Variants in NEURL1 observed in about 807,000 individuals in gnomAD.
The protein encoded by NEURL1 is E3 ubiquitin-protein ligase NEURL1.
NEURL1 carries 26 observed loss-of-function variants against 41.2 expected under a neutral mutation model. That is an observed-to-expected ratio of 0.63 (90% CI 0.46 to 0.87). The LOEUF (loss-of-function observed/expected upper bound fraction) is 0.87, where lower values mean the gene tolerates loss of function less well. Among genes scored for constraint, NEURL1 ranks in the 40% least tolerant of loss-of-function variants. The pLI is 0.00. For synonymous variants in NEURL1, 400 were observed against 402.3 expected (o/e 0.99, Z 0.07); for missense variants, 761 against 871.1 (o/e 0.87, Z 1.59).
intron 1 of NEURL1, among the ~76,000 whole-genome samples, chr10:103,496,771 C>A (rs775138885): frequency 4.6e-5 from 7 of 152,142 alleles, no homozygotes; most frequent in Non-Finnish European, 1.0e-4. Context: ...CTTCAGGGGG[C>A]AAGGGTTAGC....
In NEURL1 at chr10:103,494,348, C is replaced by G. The variant is rs1369513964; in HGVS notation, c.-40C>G. On this transcript the variant is annotated 5_prime_UTR_variant, in exon 1 of 6. Transcript: ENST00000369780. ...GCACCTCAGCGCCTGCCCGGCCTCG[C>G]CCCCACCCGCGAGCGCCGAACCTCC... The G allele has an allele frequency of 2.0e-6, 3 of 1,522,962 alleles. No individual in the cohort carries two copies. The highest frequency in any genetic ancestry group is 2.7e-6 in the Non-Finnish European group (3 of 1,121,368). The allele number at this position is 1,522,962 out of a possible 1,614,324, so 94.3% of individuals were successfully genotyped here. A position where few individuals can be genotyped will look rare whatever the true frequency, so the allele number is the denominator to read the frequency against.
At chr10:103,507,618 A>G (rs2033977663) in intron 1 of NEURL1, among the ~76,000 whole-genome samples, 1 of 152,108 alleles carries the variant, frequency 6.6e-6, no homozygotes, top group African/African-American at 2.4e-5. Context: ...CAGGGTGTGC[A>G]CACTTGGGAC....
Position 103,558,540 on chromosome 10 carries a change from TG to T in NEURL1, c.86-12331del, listed in dbSNP as rs2035211367. Among the ~76,000 whole-genome samples the T allele has an allele frequency of 6.7e-6, 1 of 149,632 alleles. No individual in the cohort carries two copies. The highest frequency in any genetic ancestry group is 1.5e-5 in the Non-Finnish European group (1 of 67,896). On this transcript the variant is annotated intron_variant, in intron 1 of 5. Coordinates refer to ENST00000369780, the MANE Select transcript of NEURL1 (RefSeq NM_004210.5). This position sits in a 1 kb window ranked among gnomAD's most constrained non-coding sequence, Gnocchi z 4.2. ...GTGTGTGTGTGTGTGTGTGTGTGTG[TG>T]TGTGTGTAGTGGGGCTGGTGGTGAG...
Position 103,570,900 on chromosome 10 carries a change from T to C in NEURL1, c.114T>C (p.Thr38=), listed in dbSNP as rs1265297253. Residue 38 remains threonine, a synonymous_variant, in exon 2 of 6, where the codon ACT becomes ACC. Coordinates refer to ENST00000369780, the MANE Select transcript of NEURL1 (RefSeq NM_004210.5). ...CTATCGGGGGCCCCTTCCCCGTCAC[T>C]TCTCACCGATGCCACCACAAGCAGA... ...KDSIGGPFPV[T]SHRCHHKQKH... is the part of the protein sequence containing the mutation. The C allele has an allele frequency of 1.2e-6, 2 of 1,613,676 alleles. No homozygotes were observed. The highest frequency in any genetic ancestry group is 2.2e-5 in the South Asian group (2 of 91,048).
chr10:103,555,292 G>C, intron 1 of NEURL1: 1 of 1,216,740 alleles, frequency 8.2e-7, no homozygotes, highest in South Asian at 1.4e-5. Flanking sequence ...GGAGGAGACG[G>C]GGGAGGAGGA....
chr10:103,580,130 G>A (rs968232690), intron 3 of NEURL1, among the ~76,000 whole-genome samples: 6 of 151,954 alleles, frequency 3.9e-5, no homozygotes, highest in East Asian at 1.9e-4. Flanking sequence ...ACACATGGCC[G>A]GGACCTCCCT....
chr10:103,497,892 G>A (rs1426464098), intron 1 of NEURL1, among the ~76,000 whole-genome samples: 5 of 152,176 alleles, frequency 3.3e-5, no homozygotes, highest in Non-Finnish European at 7.3e-5. Flanking sequence ...GTGGGCAGAG[G>A]TCAGACAAGG....
chr10:103,551,905 G>A (rs1006759560), intron 1 of NEURL1, among the ~76,000 whole-genome samples: 2 of 152,342 alleles, frequency 1.3e-5, no homozygotes, highest in Middle Eastern at 3.4e-3. Flanking sequence ...CAGAGTTGGG[G>A]CTGCTGCTCA....
rs537550344 is a variant in NEURL1 at position 103,585,008 on chromosome 10, T to C, written c.1122T>C (p.Pro374=). 2 of 1,576,550 alleles carry C rather than the reference T, an allele frequency of 1.3e-6. No individual in the cohort carries two copies. Among genetic ancestry groups the C allele is most frequent in the East Asian group, 2.3e-5 (1 of 43,304 alleles). ...TLRPADLPFS[P]EALVDRKEFW... is the part of the protein sequence containing the mutation. ...GGCCGGCCGACCTGCCTTTCAGCCC[T>C]GAGGCCCTGGTGGACCGCAAGGAAT... is the stretch of plus-strand genomic sequence containing the variant. The change falls in exon 4 of 6, where the codon CCT becomes CCC. Residue 374 remains proline, a synonymous_variant. Coordinates refer to ENST00000369780, the MANE Select transcript of NEURL1 (RefSeq NM_004210.5).
At chr10:103,515,164 G>T (rs963887784) in intron 1 of NEURL1, among the ~76,000 whole-genome samples, 2 of 147,028 alleles carry the variant, frequency 1.4e-5, no homozygotes, top group Non-Finnish European at 3.0e-5. Flanking sequence ...GGAGGCGGAG[G>T]TTGCAGTGAG....
At chr10:103,544,351 C>T (rs776897786) in intron 1 of NEURL1, among the ~76,000 whole-genome samples, 8 of 152,114 alleles carry the variant, frequency 5.3e-5, no homozygotes, top group African/African-American at 1.9e-4. Context: ...AAGAATGTGC[C>T]GCTGGCCCAT....
Position 103,545,847 on chromosome 10 carries a change from G to T in NEURL1, c.86-25025G>T, listed in dbSNP as rs2034913638. Among the ~76,000 whole-genome samples the T allele has an allele frequency of 6.6e-6, 1 of 152,154 alleles. No individual in the cohort carries two copies. The highest frequency in any genetic ancestry group is 2.1e-4 in the South Asian group (1 of 4,832). On this transcript the variant is annotated intron_variant, in intron 1 of 5. Transcript: ENST00000369780. This position sits in a 1 kb window ranked among gnomAD's most constrained non-coding sequence, Gnocchi z 4.5. ...CTCTTTTGGAGACGTGTGTGGTGCT[G>T]AAGCTCTGACCCCTAGTGTGGGAGT...
rs574272014 is a variant in NEURL1, at chr10:103,502,973, A to G, written c.85+8501A>G. Among the ~76,000 whole-genome samples, 3 of 152,316 alleles carry G rather than the reference A, an allele frequency of 2.0e-5. No individual in the cohort carries two copies. The East Asian group carries it at 5.8e-4, about 29-fold the overall frequency. On this transcript the variant is annotated intron_variant, in intron 1 of 5. Transcript: ENST00000369780. ...TGGTAACGCCTGGGAAACCTGCCTC[A>G]GGGATGGAGGGAAGTGAACTGGCCA...
chr10:103,504,034 CCCAG>C (rs758146621), intron 1 of NEURL1, among the ~76,000 whole-genome samples: 32 of 151,396 alleles, frequency 2.1e-4, no homozygotes, highest in Non-Finnish European at 3.7e-4. Context: ...CACTCTGTCG[CCCAG>C]GCTGGAGTGC....
chr10:103,536,749 A>T (rs1209296719), intron 1 of NEURL1, among the ~76,000 whole-genome samples: 1 of 152,204 alleles, frequency 6.6e-6, no homozygotes, highest in Non-Finnish European at 1.5e-5. Context: ...TAAAAAAATT[A>T]TGGTAAAATA....
At chr10:103,523,525 G>T (rs1204629649) in intron 1 of NEURL1, among the ~76,000 whole-genome samples, 1 of 151,980 alleles carries the variant, frequency 6.6e-6, no homozygotes, top group African/African-American at 2.4e-5. Flanking sequence ...ACCCTATAGT[G>T]CTATAGAACA....
At chr10:103,544,211 G>A (rs966059275) in intron 1 of NEURL1, among the ~76,000 whole-genome samples, 11 of 152,168 alleles carry the variant, frequency 7.2e-5, no homozygotes, top group Non-Finnish European at 1.2e-4. Flanking sequence ...TCTTGGATGG[G>A]GAATCTGGGC....
At chr10:103,547,885 C>T (rs1346930089) in intron 1 of NEURL1, among the ~76,000 whole-genome samples, 2 of 152,032 alleles carry the variant, frequency 1.3e-5, no homozygotes, top group African/African-American at 2.4e-5. Flanking sequence ...TGTCTTGTTC[C>T]AGCACATCCC....
At chr10:103,533,758 G>A (rs571398183) in intron 1 of NEURL1, among the ~76,000 whole-genome samples, 79 of 152,130 alleles carry the variant, frequency 5.2e-4, no homozygotes, top group Middle Eastern at 3.4e-3. Context: ...GGATGGTCTC[G>A]ATCTGCTGAC....
Sources: allele counts gnomAD v4.1 joint callset (sites outside exome capture counted in the v4.1 genomes callset), GRCh38; gene constraint gnomAD v4.1.1; non-coding constraint Gnocchi (gnomAD v3.1); transcripts MANE v1.5; gene names NCBI Gene and HGNC (gene_info 2026-07-23, HGNC 2026-07-21).